The following LRP5 variants were observed in gnomAD, a reference collection of about 807,000 sequenced individuals.
LRP5 encodes low-density lipoprotein receptor-related protein 5.
In LRP5, 62 loss-of-function variants were observed where a neutral mutation model predicts 154.1. The observed-to-expected ratio is 0.40, with a 90% CI of 0.33 to 0.50. LRP5 has a LOEUF of 0.50. LRP5 is among the 20% of genes least tolerant of loss of function. The pLI is 0.55. For missense variants in LRP5, 1,915 were observed against 2,336.7 expected (o/e 0.82, Z 3.72); for synonymous variants, 966 against 1,011.5 (o/e 0.96, Z 0.85).
intron 1 of LRP5, among the ~76,000 whole-genome samples, chr11:68,321,717 A>C (rs955814775): frequency 1.3e-5 from 2 of 152,180 alleles, no homozygotes; most frequent in African/African-American, 4.8e-5. Flanking sequence ...GGCAAATATA[A>C]TTACTGAGTT....
At chr11:68,382,917 G>A (rs1048890683) in intron 5 of LRP5, among the ~76,000 whole-genome samples, 1 of 151,296 alleles carries the variant, frequency 6.6e-6, no homozygotes, top group Non-Finnish European at 1.5e-5. Context: ...TCACCCCAAC[G>A]CGCAGGCTGG....
Position 68,365,720 on chromosome 11 carries a change from G to T in LRP5, c.1015+18G>T. On this transcript the variant is annotated intron_variant, in intron 5 of 22. Transcript: ENST00000294304. ...TAAGGCAGGTGAGGCGGTGGGACGG[G>T]ACGGGGCGGGCGGGCGGGGCGGGGC... The T allele has an allele frequency of 6.6e-7, 1 of 1,504,068 alleles. No homozygotes were observed. The highest frequency in any genetic ancestry group is 1.3e-5 in the South Asian group (1 of 76,480). The allele number at this position is 1,504,068 out of a possible 1,614,324, so 93.2% of individuals were successfully genotyped here. A position where few individuals can be genotyped will look rare whatever the true frequency, so the allele number is the denominator to read the frequency against.
chr11:68,363,832 C>T lies in LRP5; in HGVS notation c.772C>T (p.Arg258Cys), dbSNP rs751071752. ...DTLYWTDWQT[R>C]SIHACNKRTG... ...TCTGTACTGGACAGACTGGCAGACC[C>T]GCTCCATCCATGCCTGCAACAAGCG... The change falls in exon 4 of 23, where the codon CGC (arginine) becomes TGC (cysteine). Residue 258 changes from arginine to cysteine, a missense_variant. Physicochemically the swap from Arg to Cys is radical, Grantham distance 180 (BLOSUM62 -3). Coordinates refer to ENST00000294304, the MANE Select transcript of LRP5 (RefSeq NM_002335.4). 15 of 1,612,942 alleles carry T rather than the reference C, an allele frequency of 9.3e-6. No individual in the cohort carries two copies. Among genetic ancestry groups the T allele is most frequent in the Middle Eastern group, 3.3e-4 (2 of 6,084 alleles).
intron 7 of LRP5, among the ~76,000 whole-genome samples, chr11:68,392,124 C>G (rs1410348218): frequency 6.6e-6 from 1 of 152,214 alleles, no homozygotes; most frequent in Admixed American, 6.5e-5. Context: ...GCTGGGATGA[C>G]AGGCATCAGC....
At chr11:68,315,791 G>A (rs567329089) in intron 1 of LRP5, among the ~76,000 whole-genome samples, 3 of 152,328 alleles carry the variant, frequency 2.0e-5, no homozygotes, top group Admixed American at 2.0e-4. Flanking sequence ...GGTGTCCTGC[G>A]AGAGGCCCTT....
At chr11:68,312,894 G>A (rs1336425226) in intron 1 of LRP5, 89 bp downstream of exon 1, 21 of 726,744 alleles carry the variant, frequency 2.9e-5, no homozygotes, top group East Asian at 1.2e-4. Flanking sequence ...CGCCGCCGCC[G>A]TCTCGGAAGC....
At chr11:68,432,454 T>G (rs12417792) in intron 17 of LRP5, among the ~76,000 whole-genome samples, 14,320 of 152,194 alleles carry the variant, frequency 0.094, 896 homozygotes, top group African/African-American at 0.17. Context: ...TTTATTACCC[T>G]AGAACTCTCG....
intron 13 of LRP5, among the ~76,000 whole-genome samples, chr11:68,422,938 T>C (rs1428396588): frequency 1.4e-5 from 2 of 144,426 alleles, no homozygotes; most frequent in Non-Finnish European, 3.0e-5. Flanking sequence ...CCTCCTTCCG[T>C]TGGGGAAGGG....
the LRP5 span, among the ~76,000 whole-genome samples, chr11:68,307,245 G>A: frequency 6.6e-6 from 1 of 152,186 alleles, no homozygotes; most frequent in Non-Finnish European, 1.5e-5. Context: ...GCCAGGCCAG[G>A]AGGATGGCTT....
chr11:68,382,609 A>G (rs924751608), intron 5 of LRP5, among the ~76,000 whole-genome samples: 1 of 152,210 alleles, frequency 6.6e-6, no homozygotes, highest in Non-Finnish European at 1.5e-5. Context: ...CAGCGGGTCC[A>G]GGGCCTGGCC....
rs148249761 is a variant in LRP5 at position 68,328,154 on chromosome 11, G to A, written c.91+15349G>A. 4.6e-5 allele frequency among the ~76,000 whole-genome samples: 7 copies of A among 152,334 alleles called. No individual in the cohort carries two copies. The East Asian group carries it at 9.6e-4, about 21-fold the overall frequency. ...CAGTTCCCTGGCATGGTACAGTGTC[G>A]CGGAGCCCGAGGTGGCATCTTTTGT... On this transcript the variant is annotated intron_variant, in intron 1 of 22. Transcript: ENST00000294304.
chr11:68,411,809 C>G (rs1001694376), intron 11 of LRP5, among the ~76,000 whole-genome samples, 189 bp downstream of exon 11: 4 of 152,214 alleles, frequency 2.6e-5, no homozygotes, highest in Admixed American at 2.6e-4. Flanking sequence ...CCCCTGGGTG[C>G]CTTTGCTGCA....
chr11:68,448,023 G>A (rs955607084), intron 22 of LRP5, among the ~76,000 whole-genome samples: 4 of 152,212 alleles, frequency 2.6e-5, no homozygotes, highest in Non-Finnish European at 5.9e-5. Flanking sequence ...AAGGAAAGAG[G>A]TTTAACGGAC....
chr11:68,312,438 G>T (rs1379032175), upstream of LRP5, among the ~76,000 whole-genome samples: 2 of 149,114 alleles, frequency 1.3e-5, no homozygotes, highest in Admixed American at 6.7e-5. Flanking sequence ...GAGGGGCCGC[G>T]GGGACCTGCG....
intron 5 of LRP5, among the ~76,000 whole-genome samples, chr11:68,377,440 G>A (rs1013177021): frequency 1.3e-4 from 20 of 152,126 alleles, no homozygotes; most frequent in Admixed American, 7.2e-4. Context: ...GACAGTGGCC[G>A]GCCTCAGGTT....
intron 21 of LRP5, chr11:68,445,455 C>A: frequency 2.4e-6 from 1 of 420,562 alleles, no homozygotes; most frequent in Non-Finnish European, 4.4e-6. Context: ...GGTGGTAAAA[C>A]AGGACTTCAC....
Position 68,426,084 on chromosome 11 carries a change from G to A in LRP5, c.3534G>A (p.Glu1178=), listed in dbSNP as rs2098668599. ...TCGACCGCCAGCAGCAGATGATCGA[G>A]CGTGTGGAGAAGACCACCGGGGACA... ...YWIDRQQQMI[E]RVEKTTGDKR... Residue 1178 remains glutamate (E), a synonymous_variant, in exon 16 of 23, where the codon GAG becomes GAA. Transcript: ENST00000294304. 2.5e-6 allele frequency: 4 copies of A among 1,613,656 alleles called. No individual in the cohort carries two copies. The highest frequency in any genetic ancestry group is 3.4e-6 in the Non-Finnish European group (4 of 1,180,030).
intron 1 of LRP5, among the ~76,000 whole-genome samples, chr11:68,342,673 G>A (rs1357299056): frequency 1.3e-5 from 2 of 152,174 alleles, no homozygotes; most frequent in East Asian, 1.9e-4. Flanking sequence ...CTGCCACAGC[G>A]GGCCTTACCC....
chr11:68,352,093 C>T (rs148813381), intron 2 of LRP5, among the ~76,000 whole-genome samples: 2,070 of 152,012 alleles, frequency 0.014, 30 homozygotes, highest in Admixed American at 0.025. Flanking sequence ...GTGGCTGGAG[C>T]GAGAGTGAGC....
Sources: gnomAD v4.1 joint callset for allele counts (sites outside exome capture counted in the v4.1 genomes callset) on GRCh38, gnomAD v4.1.1 for gene constraint, MANE v1.5 for transcripts, NCBI Gene and HGNC (gene_info 2026-07-23, HGNC 2026-07-21) for gene names.